Variants in FRMPD4 observed in about 807,000 individuals in gnomAD.
FRMPD4 encodes the protein FERM and PDZ domain containing 4.
In FRMPD4, 22 loss-of-function variants were observed where a neutral mutation model predicts 94.1. The observed-to-expected ratio is 0.23, with a 90% CI of 0.17 to 0.33. The LOEUF is 0.33. Among genes scored for constraint, FRMPD4 ranks in the 10% least tolerant of loss-of-function variants. The pLI is 1.00. For missense variants in FRMPD4, 1,111 were observed against 1,339.9 expected (o/e 0.83, Z 2.67); for synonymous variants, 631 against 548.6 (o/e 1.15, Z -2.10).
At chrX:12,446,349 T>C (rs1156530225) in intron 1 of FRMPD4, among the ~76,000 whole-genome samples, 1 of 112,403 alleles carries the variant, frequency 8.9e-6, no homozygotes, top group East Asian at 2.8e-4. Context: ...TGCATTCCAC[T>C]AAGTAGCAAC....
chrX:12,700,423 C>T (rs1272508403), intron 9 of FRMPD4, among the ~76,000 whole-genome samples: 3 of 112,331 alleles, frequency 2.7e-5, no homozygotes, highest in Non-Finnish European at 5.6e-5. Flanking sequence ...TGCAGCGCTT[C>T]CCAGCAGCAC....
chrX:12,321,222 G>A (rs114445868), intron 1 of FRMPD4, among the ~76,000 whole-genome samples: 1,942 of 111,660 alleles, frequency 0.017, 46 homozygotes, highest in African/African-American at 0.06. Context: ...TATACCTTTT[G>A]CTCACTTATT....
intron 1 of FRMPD4, among the ~76,000 whole-genome samples, chrX:12,457,231 G>T (rs1366579414): frequency 9.0e-6 from 1 of 111,484 alleles, no homozygotes; most frequent in Non-Finnish European, 1.9e-5. Flanking sequence ...TTTTCTGGTG[G>T]GAATCTACAG....
At chrX:12,319,470 T>G (rs777019966) in intron 1 of FRMPD4, among the ~76,000 whole-genome samples, 1 of 111,962 alleles carries the variant, frequency 8.9e-6, no homozygotes, top group South Asian at 3.7e-4. Flanking sequence ...TTCCCATGTG[T>G]AGCCAACTTT....
At chrX:12,321,048 A>T (rs1312732817) in intron 1 of FRMPD4, among the ~76,000 whole-genome samples, 2 of 112,220 alleles carry the variant, frequency 1.8e-5, no homozygotes, top group African/African-American at 3.2e-5. Flanking sequence ...TACATTTTTT[A>T]AATTGTAGAA....
At chrX:12,300,164 A>G (rs934402435) in intron 1 of FRMPD4, among the ~76,000 whole-genome samples, 1 of 111,399 alleles carries the variant, frequency 9.0e-6, no homozygotes, top group African/African-American at 3.3e-5. Context: ...GAGGACAGAG[A>G]GTTTGGATTC....
intron 3 of FRMPD4, among the ~76,000 whole-genome samples, chrX:11,890,784 C>T (rs886286278): frequency 1.8e-5 from 2 of 112,555 alleles, no homozygotes; most frequent in African/African-American, 6.5e-5. Flanking sequence ...CTGGCAACTG[C>T]CATATGGCAG....
At chrX:12,584,558 G>C (rs2058903961) in intron 2 of FRMPD4, among the ~76,000 whole-genome samples, 1 of 109,841 alleles carries the variant, frequency 9.1e-6, no homozygotes, top group South Asian at 3.9e-4. Context: ...TACAAAGGAG[G>C]AAAAAAAAAG....
chrX:11,968,749 T>G (rs2054325004), intron 3 of FRMPD4, among the ~76,000 whole-genome samples: 1 of 111,904 alleles, frequency 8.9e-6, no homozygotes, highest in Non-Finnish European at 1.9e-5. Context: ...AGGGTATGCT[T>G]TCATTGCTGA....
chrX:12,030,838 T>G (rs2054687555), intron 3 of FRMPD4, among the ~76,000 whole-genome samples: 1 of 112,136 alleles, frequency 8.9e-6, no homozygotes, highest in African/African-American at 3.2e-5. Flanking sequence ...CCTCTTGAGC[T>G]GAGTATCTAA....
chrX:11,923,363 A>G (rs754651145), intron 3 of FRMPD4, among the ~76,000 whole-genome samples: 1 of 111,944 alleles, frequency 8.9e-6, no homozygotes, highest in Non-Finnish European at 1.9e-5. Flanking sequence ...GCAGGGCACA[A>G]AGAAGTCACC....
intron 1 of FRMPD4, among the ~76,000 whole-genome samples, chrX:11,836,816 A>G (rs751264920): frequency 8.9e-6 from 1 of 111,798 alleles, no homozygotes; most frequent in South Asian, 3.7e-4. Flanking sequence ...CATTATTGCT[A>G]TACCCTGCCT....
At chrX:12,289,731 T>A (rs1026339624) in intron 1 of FRMPD4, among the ~76,000 whole-genome samples, 1 of 111,527 alleles carries the variant, frequency 9.0e-6, no homozygotes, top group African/African-American at 3.3e-5. Flanking sequence ...GGATTGAATA[T>A]TGATGCGGAA....
intron 1 of FRMPD4, among the ~76,000 whole-genome samples, chrX:12,422,760 C>A (rs1161243961): frequency 8.9e-6 from 1 of 112,166 alleles, no homozygotes; most frequent in Non-Finnish European, 1.9e-5. Context: ...CTGAAAGTAA[C>A]CCTCTTGCTT....
intron 1 of FRMPD4, among the ~76,000 whole-genome samples, chrX:12,316,776 T>C (rs776002895): frequency 9.0e-6 from 1 of 110,642 alleles, no homozygotes; most frequent in African/African-American, 3.3e-5. Flanking sequence ...ACTTTTTTTT[T>C]TTTTAAAGCT....
chrX:12,215,531 T>C lies in FRMPD4; in HGVS notation c.41+76519T>C, dbSNP rs765981773. On this transcript the variant is annotated intron_variant, in intron 1 of 16. Coordinates refer to ENST00000675598, the MANE Select transcript of FRMPD4 (RefSeq NM_001368397.1). ...AATCATTTTAATAGTGATTACTATG[T>C]GCCAGCCATTGTTCTAAGCCTTATA... Among the ~76,000 whole-genome samples, 14 of 112,066 alleles carry C rather than the reference T, an allele frequency of 1.2e-4. No individual in the cohort carries two copies. In the East Asian group the frequency reaches 3.6e-3, roughly 29 times the overall value.
intron 1 of FRMPD4, among the ~76,000 whole-genome samples, chrX:12,164,037 CCT>C (rs1329338154): frequency 9.1e-6 from 1 of 109,540 alleles, no homozygotes; most frequent in African/African-American, 3.3e-5. Flanking sequence ...TTTTTTTGCC[CCT>C]TAGTTTTTTT....
At chrX:12,620,830 C>A (rs2059281005) in intron 4 of FRMPD4, among the ~76,000 whole-genome samples, 1 of 112,612 alleles carries the variant, frequency 8.9e-6, no homozygotes, top group South Asian at 3.7e-4. Flanking sequence ...GCAGTAGTCA[C>A]ATGATCTGGC....
intron 3 of FRMPD4, among the ~76,000 whole-genome samples, chrX:11,892,981 G>C (rs1343347764): frequency 8.9e-6 from 1 of 112,125 alleles, no homozygotes; most frequent in African/African-American, 3.2e-5. Flanking sequence ...AAGTAACCTT[G>C]ATTATTTTAT....
Sources: gnomAD v4.1 joint callset for allele counts (sites outside exome capture counted in the v4.1 genomes callset) on GRCh38, gnomAD v4.1.1 for gene constraint, MANE v1.5 for transcripts, NCBI Gene and HGNC (gene_info 2026-07-23, HGNC 2026-07-21) for gene names.